CUL3: variants seen among roughly 807,000 people sequenced by gnomAD.
CUL3 encodes the protein cullin 3, also known as cullin-3.
Under a neutral mutation model 89.1 loss-of-function variants are expected in CUL3, and 19 were observed. The observed-to-expected ratio is 0.21, with a 90% confidence interval of 0.15 to 0.31. The LOEUF (loss-of-function observed/expected upper bound fraction) is 0.31. CUL3 is among the 10% of genes least tolerant of loss of function. The pLI is 1.00. For synonymous variants in CUL3, 351 were observed against 308.4 expected (o/e 1.14, Z -1.45); for missense variants, 469 against 942.3 (o/e 0.50, Z 6.58).
chr2:224,572,272 A>G (rs925909234), intron 1 of CUL3, among the ~76,000 whole-genome samples: 7 of 152,120 alleles, frequency 4.6e-5, no homozygotes, highest in African/African-American at 1.7e-4. Flanking sequence ...GATTCTCTCA[A>G]AAGTCTCTGC....
At chr2:224,549,327 TAAAAAAAAA>T (rs60131758) in intron 2 of CUL3, among the ~76,000 whole-genome samples, 1 of 129,044 alleles carries the variant, frequency 7.7e-6, no homozygotes, top group Non-Finnish European at 1.7e-5. Context: ...GAAAATAAAT[TAAAAAAAAA>T]AAAAAAAATT....
intron 6 of CUL3, among the ~76,000 whole-genome samples, chr2:224,509,143 A>G (rs1692716805): frequency 1.3e-5 from 2 of 152,172 alleles, no homozygotes; most frequent in African/African-American, 4.8e-5. Flanking sequence ...CATTTTTTCC[A>G]AGAGCAGGGC....
rs544749716 is a variant in CUL3 at position 224,527,452 on chromosome 2, G to A, written c.378+8076C>T. On this transcript the variant is annotated intron_variant, in intron 3 of 15. Coordinates refer to ENST00000264414, the MANE Select transcript of CUL3 (RefSeq NM_003590.5). ...CTCCACGGTAGCTTTAGCAAATAGC[G>A]TATAGTATTCATCTAAACTCTGCTC... Among the ~76,000 whole-genome samples the A allele has an allele frequency of 2.0e-5, 3 of 152,196 alleles. No homozygotes were observed. In the East Asian group the frequency reaches 5.8e-4, roughly 29 times the overall value.
At chr2:224,482,149 G>T in intron 13 of CUL3, 71 bp from the exon 14 acceptor site, 2 of 1,187,214 alleles carry the variant, frequency 1.7e-6, no homozygotes, top group South Asian at 3.0e-5. Context: ...CAAGTAAACT[G>T]ACCAAGCAGT....
chr2:224,541,635 TCA>T (rs1351714692), intron 2 of CUL3, among the ~76,000 whole-genome samples: 1 of 152,154 alleles, frequency 6.6e-6, no homozygotes, highest in Admixed American at 6.5e-5. Context: ...GCAGCTCTAC[TCA>T]CAACCACAAA....
At chr2:224,574,802 T>A (rs1695262761) in intron 1 of CUL3, among the ~76,000 whole-genome samples, 1 of 152,240 alleles carries the variant, frequency 6.6e-6, no homozygotes, top group Non-Finnish European at 1.5e-5. Flanking sequence ...TGTGAAAGAC[T>A]GCTGTAGTTC....
rs2106305340 is a variant in CUL3, at chr2:224,557,866, CCAA to C, written c.67-13_67-11del. The C allele has an allele frequency of 4.2e-6, 2 of 479,394 alleles. No individual in the cohort carries two copies. The highest frequency in any genetic ancestry group is 1.5e-4 in the East Asian group (2 of 13,228). 29.7% of individuals were successfully genotyped at this position (479,394 alleles called of 1,614,324 possible). On this transcript the variant is annotated splice_polypyrimidine_tract_variant and intron_variant, in intron 1 of 15. Coordinates refer to ENST00000264414, the MANE Select transcript of CUL3 (RefSeq NM_003590.5). ...TTTCATCCATGGTCATCTGTAATAT[CCAA>C]GAGAGAGAAGAGACAAAAAAAAAAA...
intron 1 of CUL3, among the ~76,000 whole-genome samples, chr2:224,573,050 C>T (rs2106322615): frequency 6.6e-6 from 1 of 152,250 alleles, no homozygotes; most frequent in East Asian, 1.9e-4. Flanking sequence ...TATTATTTGG[C>T]TAGTGATAGC....
intron 2 of CUL3, among the ~76,000 whole-genome samples, chr2:224,537,058 A>G (rs1290228535): frequency 6.6e-6 from 1 of 152,190 alleles, no homozygotes; most frequent in African/African-American, 2.4e-5. Context: ...ATGCTTTTTC[A>G]GATTGGGAAA....
At chr2:224,558,373 T>C (rs556548579) in intron 1 of CUL3, among the ~76,000 whole-genome samples, 1 of 152,126 alleles carries the variant, frequency 6.6e-6, no homozygotes, top group Non-Finnish European at 1.5e-5. Context: ...ACTCTACTCT[T>C]CTAGATGATT....
At chr2:224,560,137 C>A (rs1162897895) in intron 1 of CUL3, among the ~76,000 whole-genome samples, 2 of 152,148 alleles carry the variant, frequency 1.3e-5, no homozygotes, top group African/African-American at 4.8e-5. Context: ...CCAAGCACTA[C>A]AATCTCTTGT....
At position 224,514,722 on chromosome 2, in the gene CUL3, T is replaced by A; in HGVS notation, c.429A>T (p.Gly143=). ...QNNVENVYNL[G]LIIFRDQVVR... ...CAACTTGATCTCGAAAAATAATTAA[T>A]CCCAAATTGTAGACGTTCTCCACAT... Residue 143 remains glycine, a synonymous_variant, in exon 4 of 16, where the codon GGA becomes GGT. Coordinates refer to ENST00000264414, the MANE Select transcript of CUL3 (RefSeq NM_003590.5). 6.2e-7 allele frequency: 1 copy of A among 1,613,256 alleles called. No homozygotes were observed. The highest frequency in any genetic ancestry group is 8.5e-7 in the Non-Finnish European group (1 of 1,179,366).
intron 13 of CUL3, among the ~76,000 whole-genome samples, chr2:224,489,171 G>A (rs1691856981): frequency 1.3e-5 from 2 of 152,296 alleles, no homozygotes; most frequent in Admixed American, 1.3e-4. Context: ...AACAAAAGCT[G>A]GAAGCATTCC....
Position 224,535,658 on chromosome 2 carries a change from T to C in CUL3, c.265-17A>G. 1 of 1,542,100 alleles carries C rather than the reference T, an allele frequency of 6.5e-7. No homozygotes were observed. The highest frequency in any genetic ancestry group is 1.7e-5 in the Admixed American group (1 of 59,852). On this transcript the variant is annotated splice_polypyrimidine_tract_variant and intron_variant, in intron 2 of 15. Transcript: ENST00000264414. ...TTCTCGCACCTAGTAACAGAAGAGT[T>C]CATTAGTTTGCACACACACATCCAC... is the stretch of plus-strand genomic sequence containing the variant.
chr2:224,506,843 T>C lies in CUL3; in HGVS notation c.1029+15A>G. On this transcript the variant is annotated intron_variant, in intron 7 of 15. Transcript: ENST00000264414. ...CCTTTATCATAAACACAGAGAATCT[T>C]CTGGGTTTACTTACCTGGATATAGT... The C allele has an allele frequency of 1.2e-6, 2 of 1,610,320 alleles. No homozygotes were observed. Among genetic ancestry groups the C allele is most frequent in the Non-Finnish European group, 1.7e-6 (2 of 1,178,666 alleles).
At chr2:224,549,024 CA>C (rs1395713045) in intron 2 of CUL3, among the ~76,000 whole-genome samples, 1 of 148,368 alleles carries the variant, frequency 6.7e-6, no homozygotes, top group Non-Finnish European at 1.5e-5. Context: ...ACAACAACAA[CA>C]ACAAAAAAGC....
intron 3 of CUL3, among the ~76,000 whole-genome samples, chr2:224,531,604 T>C (rs1471004865): frequency 6.6e-6 from 1 of 152,166 alleles, no homozygotes; most frequent in Non-Finnish European, 1.5e-5. Context: ...AGTTGGTTAA[T>C]GACTGTGATA....
intron 5 of CUL3, among the ~76,000 whole-genome samples, chr2:224,512,465 GT>G (rs1274048882): frequency 6.6e-6 from 1 of 152,138 alleles, no homozygotes; most frequent in Non-Finnish European, 1.5e-5. Flanking sequence ...AACTGCTCAG[GT>G]AGTTACGGTT....
At chr2:224,554,459 C>T (rs964383179) in intron 2 of CUL3, among the ~76,000 whole-genome samples, 1 of 152,160 alleles carries the variant, frequency 6.6e-6, no homozygotes, top group African/African-American at 2.4e-5. Context: ...CAGCATACTA[C>T]AACTTGATCA....
Sources: allele counts gnomAD v4.1 joint callset (sites outside exome capture counted in the v4.1 genomes callset), GRCh38; gene constraint gnomAD v4.1.1; transcripts MANE v1.5; gene names NCBI Gene and HGNC (gene_info 2026-07-23, HGNC 2026-07-21).